TUSC3: variants seen among roughly 807,000 people sequenced by gnomAD.
TUSC3 encodes tumor suppressor candidate 3, also known as dolichyl-diphosphooligosaccharide--protein glycosyltransferase subunit TUSC3.
TUSC3 carries 45 observed loss-of-function variants against 44.8 expected under a neutral mutation model. The ratio of observed to expected loss-of-function variants is 1.00; its 90% CI spans 0.79 to 1.29. The LOEUF is 1.29. Ranked by LOEUF, TUSC3 falls within the 50% of genes most tolerant of loss-of-function variation. The probability of loss-of-function intolerance (pLI) is 0.00; values close to 1 mark genes in which losing one functional copy is unlikely to be tolerated. For synonymous variants in TUSC3, 212 were observed against 152.9 expected, an observed-to-expected ratio of 1.39 and a Z score of -2.85; for missense variants, 519 against 437.9, an observed-to-expected ratio of 1.19 and a Z score of -1.65.
intron 1 of TUSC3, among the ~76,000 whole-genome samples, chr8:15,442,870 A>G (rs1186611227): frequency 3.0e-4 from 46 of 152,154 alleles, no homozygotes; most frequent in Non-Finnish European, 2.9e-5. Flanking sequence ...AGTTGTAGAC[A>G]AGAATCTTCC....
chr8:15,568,655 T>C (rs1585110105), intron 1 of TUSC3, among the ~76,000 whole-genome samples: 1 of 151,604 alleles, frequency 6.6e-6, no homozygotes, highest in African/African-American at 2.4e-5. Context: ...TAGGCTGCAG[T>C]GCAGTGGTAT....
chr8:15,490,734 T>C (rs1800797302), intron 2 of TUSC3, among the ~76,000 whole-genome samples: 1 of 152,204 alleles, frequency 6.6e-6, no homozygotes, highest in Non-Finnish European at 1.5e-5. Context: ...TAATACTTTG[T>C]TTTATACTAT....
intron 2 of TUSC3, among the ~76,000 whole-genome samples, chr8:15,490,466 C>A (rs118011871): frequency 0.048 from 7,325 of 152,190 alleles, 235 homozygotes; most frequent in South Asian, 0.1. Flanking sequence ...AGCAGCCCCT[C>A]CCATTGGGTG....
chr8:15,623,053 A>G (rs1341487655), intron 1 of TUSC3, 27 bp from the exon 2 acceptor site: 1 of 1,611,232 alleles, frequency 6.2e-7, no homozygotes, highest in South Asian at 1.1e-5. Flanking sequence ...ACTCTTTGTA[A>G]ATGTTAATTT....
At chr8:15,825,885 C>CTTTTTTTTT in the TUSC3 span, among the ~76,000 whole-genome samples, 11 of 120,390 alleles carry the variant, frequency 9.1e-5, 1 homozygote, top group Non-Finnish European at 1.3e-4. Context: ...ACAGTTGTTT[C>CTTTTTTTTT]TTTTTTTTTT....
chr8:15,705,738 G>C (rs1346465445), intron 6 of TUSC3, among the ~76,000 whole-genome samples: 1 of 151,984 alleles, frequency 6.6e-6, no homozygotes, highest in African/African-American at 2.4e-5. Flanking sequence ...GCATAGTACT[G>C]CTTCAGCCCA....
chr8:15,846,961 A>G, the TUSC3 span, among the ~76,000 whole-genome samples: 1 of 151,916 alleles, frequency 6.6e-6, no homozygotes, highest in South Asian at 2.1e-4. Context: ...TCCACACTCC[A>G]CAGGCATGCC....
At position 15,484,556 on chromosome 8, in the gene TUSC3, C is replaced by G. The variant is rs183211870; in HGVS notation, n.189+1073C>G. Among the ~76,000 whole-genome samples the G allele has an allele frequency of 3.8e-3, 584 of 152,350 alleles. 2 individuals are homozygous for G. Among genetic ancestry groups the G allele is most frequent in the African/African-American group, 0.013 (544 of 41,584 alleles). On this transcript the variant is annotated intron_variant and non_coding_transcript_variant, in intron 2 of 5. Coordinates refer to the TUSC3 transcript ENST00000503191. ...TCAGAAAATTATCCAACATGTCTAT[C>G]TCTTTCTCATTCCGGTGTAGGGCAT... is the stretch of plus-strand genomic sequence containing the variant.
chr8:15,627,961 C>A (rs1261584069), intron 2 of TUSC3, among the ~76,000 whole-genome samples: 1 of 152,182 alleles, frequency 6.6e-6, no homozygotes, highest in African/African-American at 2.4e-5. Context: ...GTGCCACTGG[C>A]CACAGAGGTT....
chr8:15,851,663 A>T, the TUSC3 span, among the ~76,000 whole-genome samples: 1 of 152,198 alleles, frequency 6.6e-6, no homozygotes, highest in Admixed American at 6.5e-5. Context: ...CGCTGCTCAG[A>T]TCAAGGTTAA....
intron 2 of TUSC3, among the ~76,000 whole-genome samples, chr8:15,488,430 A>T (rs1800763056): frequency 6.6e-6 from 1 of 152,110 alleles, no homozygotes; most frequent in Admixed American, 6.5e-5. Flanking sequence ...TGAGCCCAGG[A>T]GGCCAAGGCT....
At chr8:15,723,077 A>G (rs1319350966) in intron 6 of TUSC3, among the ~76,000 whole-genome samples, 2 of 152,152 alleles carry the variant, frequency 1.3e-5, no homozygotes, top group Non-Finnish European at 2.9e-5. Context: ...ATCTCTGGTC[A>G]GTTTCATGCA....
At chr8:15,572,957 T>G (rs1198331217) in intron 1 of TUSC3, among the ~76,000 whole-genome samples, 2 of 151,906 alleles carry the variant, frequency 1.3e-5, no homozygotes, top group Non-Finnish European at 2.9e-5. Context: ...ATGAAGAAGT[T>G]TGAAATATTG....
At chr8:15,753,691 ACT>A (rs760545210) in intron 9 of TUSC3, among the ~76,000 whole-genome samples, 1 of 151,966 alleles carries the variant, frequency 6.6e-6, no homozygotes, top group Non-Finnish European at 1.5e-5. Context: ...TATTTTATCA[ACT>A]CTCTTGTGAA....
intron 1 of TUSC3, among the ~76,000 whole-genome samples, chr8:15,585,169 C>A (rs565667535): frequency 6.6e-6 from 1 of 151,992 alleles, no homozygotes; most frequent in Non-Finnish European, 1.5e-5. Context: ...GCCTAACTGG[C>A]GTTAGGAATA....
chr8:15,504,109 T>C (rs1487348575), intron 2 of TUSC3, among the ~76,000 whole-genome samples: 5 of 151,936 alleles, frequency 3.3e-5, no homozygotes, highest in Admixed American at 3.3e-4. Flanking sequence ...GAGGCACACA[T>C]GCTTCCAGCA....
rs28430512 is a variant in TUSC3, at chr8:15,735,891, G to T, written c.862+5162G>T. ...ATGGGTTTTTTTTTTTTGTTTTTTT[G>T]GTTTTTTTTTGTATTTTTAGTAGAG... On this transcript the variant is annotated intron_variant, in intron 7 of 10. Transcript: ENST00000503731. Among the ~76,000 whole-genome samples, 481 of 147,280 alleles carry T rather than the reference G, an allele frequency of 3.3e-3. 4 individuals are homozygous for T. The highest frequency in any genetic ancestry group is 5.9e-3 in the South Asian group (28 of 4,706).
At chr8:15,446,691 C>G (rs146434967) in intron 1 of TUSC3, among the ~76,000 whole-genome samples, 43 of 125,286 alleles carry the variant, frequency 3.4e-4, no homozygotes, top group African/African-American at 1.3e-3. Flanking sequence ...AGTCCAGCCT[C>G]GGCTCGGCAT....
intron 6 of TUSC3, among the ~76,000 whole-genome samples, chr8:15,690,488 G>C (rs549362747): frequency 1.3e-5 from 2 of 152,220 alleles, no homozygotes; most frequent in South Asian, 4.2e-4. Context: ...CTGGTGTGCA[G>C]AAACTCTTTA....
Sources: gnomAD v4.1 joint callset for allele counts (sites outside exome capture counted in the v4.1 genomes callset) on GRCh38, gnomAD v4.1.1 for gene constraint, MANE v1.5 for transcripts, NCBI Gene and HGNC (gene_info 2026-07-23, HGNC 2026-07-21) for gene names.